The following ZC3H12B variants were observed in gnomAD, a reference collection of about 807,000 sequenced individuals.
ZC3H12B encodes zinc finger CCCH-type containing 12B.
ZC3H12B carries 7 observed loss-of-function variants against 43.9 expected under a neutral mutation model. That is an observed-to-expected ratio of 0.16 (90% CI 0.09 to 0.30). The LOEUF is 0.30. Among genes scored for constraint, ZC3H12B ranks in the 10% least tolerant of loss-of-function variants. ZC3H12B has a pLI of 1.00. For missense variants in ZC3H12B, 475 were observed against 670.2 expected (o/e 0.71, Z 3.22); for synonymous variants, 222 against 241.7 (o/e 0.92, Z 0.76).
chrX:65,114,489 C>G, the ZC3H12B span, among the ~76,000 whole-genome samples: 1 of 110,055 alleles, frequency 9.1e-6, no homozygotes, highest in Non-Finnish European at 1.9e-5. Flanking sequence ...TTTTAATAAA[C>G]AGTTTATTTT....
the ZC3H12B span, among the ~76,000 whole-genome samples, chrX:65,184,238 C>T: frequency 9.0e-6 from 1 of 111,206 alleles, no homozygotes. Context: ...GAGACCATGT[C>T]TTATATTTTT....
At chrX:65,117,533 T>G in the ZC3H12B span, among the ~76,000 whole-genome samples, 15 of 112,049 alleles carry the variant, frequency 1.3e-4, no homozygotes, top group African/African-American at 4.9e-4. Context: ...CTGATGGTAG[T>G]TTGTTTTCCT....
At chrX:65,158,077 C>A in the ZC3H12B span, among the ~76,000 whole-genome samples, 1 of 107,995 alleles carries the variant, frequency 9.3e-6, no homozygotes, top group East Asian at 3.0e-4. Flanking sequence ...CCAATTTCAT[C>A]CATGTCCCTA....
chrX:65,308,817 A>G, the ZC3H12B span, among the ~76,000 whole-genome samples: 1 of 112,093 alleles, frequency 8.9e-6, no homozygotes, highest in African/African-American at 3.2e-5. Context: ...TCAAATTAGA[A>G]CTCAGAATTA....
the ZC3H12B span, among the ~76,000 whole-genome samples, chrX:65,223,926 T>A: frequency 8.9e-6 from 1 of 112,292 alleles, no homozygotes; most frequent in Non-Finnish European, 1.9e-5. Flanking sequence ...AGATCTACCA[T>A]TTGATCCAGC....
the ZC3H12B span, among the ~76,000 whole-genome samples, chrX:65,237,652 G>T: frequency 9.1e-6 from 1 of 110,283 alleles, no homozygotes; most frequent in Non-Finnish European, 1.9e-5. Context: ...GTTTTTAAGG[G>T]GAATGCATTT....
At chrX:65,395,643 T>C (rs1238159708) in intron 2 of ZC3H12B, among the ~76,000 whole-genome samples, 2 of 111,896 alleles carry the variant, frequency 1.8e-5, no homozygotes, top group African/African-American at 6.5e-5. Flanking sequence ...GGCCTGAGTT[T>C]TTTTTGTTGT....
chrX:65,389,572 C>T lies in ZC3H12B; in HGVS notation n.296-9021C>T, dbSNP rs1480107525. Reference sequence around the variant, plus strand: ...GACTAGGAAAGGGAATTCCCTGACCCGTTGTGCTTCCCAGGTGAGGCGATG... The same window carrying T: ...GACTAGGAAAGGGAATTCCCTGACCTGTTGTGCTTCCCAGGTGAGGCGATG... On this transcript the variant is annotated intron_variant and non_coding_transcript_variant, in intron 2 of 5. Coordinates refer to the ZC3H12B transcript ENST00000617377. Among the ~76,000 whole-genome samples the T allele has an allele frequency of 1.2e-4, 14 of 112,815 alleles. No homozygotes were observed. In the Admixed American group the frequency reaches 1.3e-3, roughly 11 times the overall value.
At chrX:65,399,474 C>A (rs1247154456) in intron 3 of ZC3H12B, among the ~76,000 whole-genome samples, 2 of 111,568 alleles carry the variant, frequency 1.8e-5, no homozygotes, top group Non-Finnish European at 3.8e-5. Context: ...ATCAAAACTG[C>A]AATAAAATAT....
chrX:65,127,149 G>C, the ZC3H12B span, among the ~76,000 whole-genome samples: 1 of 111,244 alleles, frequency 9.0e-6, no homozygotes, highest in South Asian at 3.8e-4. Flanking sequence ...GGGAAGATCT[G>C]GGATTCAAGG....
the ZC3H12B span, among the ~76,000 whole-genome samples, chrX:65,162,802 G>T: frequency 3.6e-5 from 4 of 112,188 alleles, no homozygotes; most frequent in Non-Finnish European, 5.6e-5. Flanking sequence ...TTGCTCCTTT[G>T]CTGGTGAGGA....
At chrX:65,154,903 G>A in the ZC3H12B span, among the ~76,000 whole-genome samples, 2 of 111,162 alleles carry the variant, frequency 1.8e-5, no homozygotes, top group South Asian at 3.8e-4. Context: ...ATTGCTTGTA[G>A]GGTTTTTAAA....
chrX:65,039,961 GTTATAC>G, the ZC3H12B span, among the ~76,000 whole-genome samples: 3 of 111,667 alleles, frequency 2.7e-5, no homozygotes, highest in Non-Finnish European at 5.7e-5. Flanking sequence ...ACTTTATGTA[GTTATAC>G]TTATGAACTT....
the ZC3H12B span, among the ~76,000 whole-genome samples, chrX:65,145,220 A>T: frequency 1.0e-5 from 1 of 96,065 alleles, no homozygotes; most frequent in Admixed American, 1.3e-4. Context: ...TTATCATTAT[A>T]TAATGTCCCT....
chrX:65,349,917 C>A, the ZC3H12B span, among the ~76,000 whole-genome samples: 1 of 111,998 alleles, frequency 8.9e-6, no homozygotes, highest in Admixed American at 9.5e-5. Context: ...CAATGAAATT[C>A]TACCAGAGTG....
chrX:65,251,574 TG>T, the ZC3H12B span, among the ~76,000 whole-genome samples: 1 of 111,897 alleles, frequency 8.9e-6, no homozygotes, highest in Non-Finnish European at 1.9e-5. Flanking sequence ...CCCATGATCA[TG>T]GAATGTTTTT....
chrX:65,409,771 A>G (rs1275503089), intron 3 of ZC3H12B, among the ~76,000 whole-genome samples: 1 of 111,580 alleles, frequency 9.0e-6, no homozygotes, highest in African/African-American at 3.3e-5. Flanking sequence ...GAAGCAAAAG[A>G]TTTCTCAAAA....
the ZC3H12B span, among the ~76,000 whole-genome samples, chrX:65,145,023 G>C: frequency 9.0e-6 from 1 of 111,615 alleles, no homozygotes; most frequent in African/African-American, 3.3e-5. Context: ...CTGTTTCTTT[G>C]TTGACTTTTT....
At chrX:65,489,998 T>C (rs764243448) in intron 1 of ZC3H12B, among the ~76,000 whole-genome samples, 1 of 111,797 alleles carries the variant, frequency 8.9e-6, no homozygotes, top group Non-Finnish European at 1.9e-5. Flanking sequence ...CTTCATAGCC[T>C]TCAGAATGCA....
Sources: gnomAD v4.1 joint callset for allele counts (sites outside exome capture counted in the v4.1 genomes callset) on GRCh38, gnomAD v4.1.1 for gene constraint, MANE v1.5 for transcripts, NCBI Gene and HGNC (gene_info 2026-07-23, HGNC 2026-07-21) for gene names.